Variants in CDKN2B-AS1 observed in about 807,000 individuals in gnomAD.
CDKN2B-AS1 encodes the protein CDKN2B antisense RNA 1 (non-protein coding).
At position 22,046,606 on chromosome 9, in the gene CDKN2B-AS1, A is replaced by G. The variant is rs1247200246; in HGVS notation, n.30-145A>G. 2.6e-5 allele frequency: 4 copies of G among 152,178 alleles called. No individual in the cohort carries two copies. The South Asian group carries it at 6.2e-4, about 24-fold the overall frequency. The allele number at this position is 152,178 out of a possible 1,614,324, so 9.4% of individuals were successfully genotyped here. ...TCTATTTATTGAGTATAGGTATACC[A>G]TATTCAATGTATTTCTCTGCTTCAT... On this transcript the variant is annotated intron_variant and non_coding_transcript_variant, in intron 1 of 4. Transcript: ENST00000650946.
chr9:22,009,030 C>G, intron 1 of CDKN2B-AS1: 1 of 1,595,542 alleles, frequency 6.3e-7, no homozygotes, highest in South Asian at 1.1e-5. Flanking sequence ...TCCCTTCTTT[C>G]CCACGCTGCT....
intron 4 of CDKN2B-AS1, among the ~76,000 whole-genome samples, chr9:22,089,971 TC>T (rs1054594960): frequency 2.2e-5 from 2 of 90,116 alleles, no homozygotes; most frequent in Non-Finnish European, 4.2e-5. Flanking sequence ...ATGCTATCCC[TC>T]CCCCCTCCCC....
intron 4 of CDKN2B-AS1, among the ~76,000 whole-genome samples, chr9:22,124,512 CCTT>C (rs1817989335): frequency 1.3e-5 from 2 of 152,108 alleles, no homozygotes; most frequent in Admixed American, 6.5e-5. Context: ...AGTAGTTTCT[CCTT>C]CTCTCTCTCT....
chr9:22,019,773 C>T (rs936889536), intron 1 of CDKN2B-AS1, among the ~76,000 whole-genome samples: 1 of 151,992 alleles, frequency 6.6e-6, no homozygotes, highest in African/African-American at 2.4e-5. Flanking sequence ...AATTAGCAGA[C>T]ATTTGAATAT....
chr9:22,073,994 G>T (rs1824397319), intron 4 of CDKN2B-AS1, among the ~76,000 whole-genome samples: 1 of 151,868 alleles, frequency 6.6e-6, no homozygotes. Context: ...CTCCCTAGTA[G>T]TTTGGACTAC....
Position 22,006,279 on chromosome 9 carries a change from G to C in CDKN2B-AS1, n.29+11118G>C. ...GAGAGAGCAGAGTGGTCAGAGCCAG[G>C]GTGGGGGCAGGTATGGGAGATGCCG... On this transcript the variant is annotated intron_variant and non_coding_transcript_variant, in intron 1 of 4. Coordinates refer to ENST00000650946, the Ensembl canonical transcript of CDKN2B-AS1. This position sits in a 1 kb window ranked among gnomAD's most constrained non-coding sequence, Gnocchi z 6.4. 1.2e-6 allele frequency: 2 copies of C among 1,600,052 alleles called. No homozygotes were observed. The highest frequency in any genetic ancestry group is 8.5e-7 in the Non-Finnish European group (1 of 1,179,770).
intron 1 of CDKN2B-AS1, chr9:22,012,185 A>G (rs1474676265): frequency 5.0e-6 from 7 of 1,388,536 alleles, no homozygotes; most frequent in Non-Finnish European, 7.2e-6. Flanking sequence ...CCTCACGGGC[A>G]AGACCATCAC....
chr9:22,021,290 T>C (rs1822008750), intron 1 of CDKN2B-AS1, among the ~76,000 whole-genome samples: 1 of 152,170 alleles, frequency 6.6e-6, no homozygotes, highest in Non-Finnish European at 1.5e-5. Flanking sequence ...TGTATTCATT[T>C]ATTTTTACCA....
intron 4 of CDKN2B-AS1, among the ~76,000 whole-genome samples, chr9:22,057,786 G>A (rs931211904): frequency 4.6e-5 from 7 of 151,234 alleles, no homozygotes; most frequent in South Asian, 2.1e-4. Flanking sequence ...CAGCCTGGGC[G>A]ATAGAGTGAG....
chr9:22,031,745 C>CAT (rs1822481232), intron 1 of CDKN2B-AS1, among the ~76,000 whole-genome samples: 1 of 152,112 alleles, frequency 6.6e-6, no homozygotes, highest in African/African-American at 2.4e-5. Context: ...TTGTGTAATC[C>CAT]CCTCCACTTG....
intron 1 of CDKN2B-AS1, among the ~76,000 whole-genome samples, chr9:22,011,867 G>T (rs1034702519): frequency 6.6e-6 from 1 of 152,290 alleles, no homozygotes; most frequent in Non-Finnish European, 1.5e-5. Context: ...AACATAGTGG[G>T]CAGCTGAAAC....
At position 22,022,520 on chromosome 9, in the gene CDKN2B-AS1, C is replaced by T. The variant is rs1273185324; in HGVS notation, n.30-24231C>T. Among the ~76,000 whole-genome samples the T allele has an allele frequency of 2.6e-5, 4 of 151,960 alleles. No homozygotes were observed. In the East Asian group the frequency reaches 7.7e-4, roughly 29 times the overall value. On this transcript the variant is annotated intron_variant and non_coding_transcript_variant, in intron 1 of 4. Coordinates refer to ENST00000650946, the Ensembl canonical transcript of CDKN2B-AS1. ...TTTCCTTGATATATTTTTCTCCATC[C>T]TTTTATTTTGAGCCTATCTCATTGC...
intron 4 of CDKN2B-AS1, chr9:22,066,226 AT>A (rs1186863684): frequency 7.9e-6 from 1 of 126,352 alleles, no homozygotes; most frequent in African/African-American, 2.9e-5. Flanking sequence ...TTTTTTTTTT[AT>A]TTTTAAGACA....
chr9:22,040,687 CTG>C lies in CDKN2B-AS1; in HGVS notation n.30-6055_30-6054del, dbSNP rs1245019803. 5.3e-5 allele frequency among the ~76,000 whole-genome samples: 8 copies of C among 152,132 alleles called. No homozygotes were observed. The South Asian group carries it at 1.2e-3, about 24-fold the overall frequency. ...CAGAAGGTAAACAGAAGATTGGAGA[CTG>C]TGTGTGTGCACGAATGCCTCCTTTG... is the stretch of plus-strand genomic sequence containing the variant. On this transcript the variant is annotated intron_variant and non_coding_transcript_variant, in intron 1 of 4. Transcript: ENST00000650946.
At chr9:22,071,955 CAA>C (rs1824311544) in intron 4 of CDKN2B-AS1, among the ~76,000 whole-genome samples, 1 of 152,140 alleles carries the variant, frequency 6.6e-6, no homozygotes, top group Non-Finnish European at 1.5e-5. Flanking sequence ...AGCAGAATTA[CAA>C]AGAGTTTTAG....
chr9:22,022,841 C>T (rs1822069955), intron 1 of CDKN2B-AS1, among the ~76,000 whole-genome samples: 1 of 152,186 alleles, frequency 6.6e-6, no homozygotes, highest in South Asian at 2.1e-4. Context: ...ATTCCTTCAG[C>T]ATTTGCTTGT....
chr9:22,050,668 AG>A (rs1823308861), intron 3 of CDKN2B-AS1, among the ~76,000 whole-genome samples: 1 of 152,154 alleles, frequency 6.6e-6, no homozygotes, highest in African/African-American at 2.4e-5. Flanking sequence ...GGCGGTGAAA[AG>A]TCTGTACTAA....
chr9:22,018,993 TTAAC>T, intron 1 of CDKN2B-AS1, among the ~76,000 whole-genome samples: 1 of 152,168 alleles, frequency 6.6e-6, no homozygotes, highest in Middle Eastern at 3.4e-3. Flanking sequence ...TTATAGAAAA[TTAAC>T]TAATCAAAAG....
intron 3 of CDKN2B-AS1, among the ~76,000 whole-genome samples, chr9:22,052,337 T>C (rs1823382425): frequency 6.6e-6 from 1 of 152,080 alleles, no homozygotes; most frequent in Non-Finnish European, 1.5e-5. Flanking sequence ...AAAGCTAGAG[T>C]CACATTTTAG....
Sources: allele counts gnomAD v4.1 joint callset (sites outside exome capture counted in the v4.1 genomes callset), GRCh38; gene constraint gnomAD v4.1.1; non-coding constraint Gnocchi (gnomAD v3.1); transcripts MANE v1.5; gene names NCBI Gene and HGNC (gene_info 2026-07-23, HGNC 2026-07-21).